MIR2052HG: variants seen among roughly 807,000 people sequenced by gnomAD.
MIR2052HG encodes the protein MIR2052 host gene.
chr8:74,606,876 A>G (rs1448813169), intron 1 of MIR2052HG, among the ~76,000 whole-genome samples: 2 of 152,190 alleles, frequency 1.3e-5, no homozygotes, highest in Admixed American at 1.3e-4. Context: ...AGAACACAAC[A>G]AAAACATAGC....
At chr8:74,709,790 C>A (rs921484012) in intron 4 of MIR2052HG, among the ~76,000 whole-genome samples, 1 of 152,140 alleles carries the variant, frequency 6.6e-6, no homozygotes, top group African/African-American at 2.4e-5. Flanking sequence ...ATAAGACAGA[C>A]ACATTCTTCA....
intron 1 of MIR2052HG, among the ~76,000 whole-genome samples, chr8:74,611,162 T>G (rs1808189149): frequency 6.6e-6 from 1 of 152,056 alleles, no homozygotes; most frequent in African/African-American, 2.4e-5. Flanking sequence ...GCAAAATATT[T>G]GAATAGACGC....
chr8:74,747,522 C>A (rs1468623561), intron 4 of MIR2052HG, among the ~76,000 whole-genome samples: 2 of 152,044 alleles, frequency 1.3e-5, no homozygotes, highest in Non-Finnish European at 2.9e-5. Context: ...TCCTTACATA[C>A]CAAAAAACCT....
Position 74,757,564 on chromosome 8 carries a change from TTG to T in MIR2052HG, n.465-543_465-542del, listed in dbSNP as rs1179770492. ...ATAACCGAATGAGGCAGAAACAATT[TTG>T]TGTCTTTTTTACAAATGGGGAACTG... On this transcript the variant is annotated intron_variant and non_coding_transcript_variant, in intron 5 of 6. Coordinates refer to ENST00000523442, the Ensembl canonical transcript of MIR2052HG. 7 of 152,360 alleles carry T rather than the reference TTG, an allele frequency of 4.6e-5. No homozygotes were observed. In the East Asian group the frequency reaches 1.3e-3, roughly 29 times the overall value. 9.4% of individuals were successfully genotyped at this position (152,360 alleles called of 1,614,324 possible). A position where few individuals can be genotyped will look rare whatever the true frequency, so the allele number is the denominator to read the frequency against.
chr8:74,712,753 A>G (rs1809482878), intron 4 of MIR2052HG, among the ~76,000 whole-genome samples: 1 of 150,858 alleles, frequency 6.6e-6, no homozygotes, highest in Non-Finnish European at 1.5e-5. Flanking sequence ...TGTACTTAAG[A>G]CTACCCATTG....
intron 2 of MIR2052HG, among the ~76,000 whole-genome samples, chr8:74,687,983 A>G (rs1375839275): frequency 6.6e-6 from 1 of 152,138 alleles, no homozygotes; most frequent in Non-Finnish European, 1.5e-5. Context: ...TTGTATATCA[A>G]TTGTGCCTCA....
intron 4 of MIR2052HG, among the ~76,000 whole-genome samples, chr8:74,717,405 A>C (rs899440998): frequency 2.9e-4 from 44 of 152,274 alleles, no homozygotes; most frequent in African/African-American, 9.6e-4. Flanking sequence ...CCAGTCTCTC[A>C]TTGATGGGCA....
chr8:74,736,042 G>A (rs1446109076), intron 4 of MIR2052HG, among the ~76,000 whole-genome samples: 1 of 152,156 alleles, frequency 6.6e-6, no homozygotes, highest in Admixed American at 6.5e-5. Flanking sequence ...TCTGTGCCCT[G>A]AGACAGAAGT....
intron 2 of MIR2052HG, among the ~76,000 whole-genome samples, chr8:74,689,038 TAGTA>T (rs962542904): frequency 1.3e-5 from 2 of 152,310 alleles, no homozygotes; most frequent in Non-Finnish European, 2.9e-5. Flanking sequence ...CTCTATTTTG[TAGTA>T]AGTGAGAGTT....
chr8:74,628,226 C>A (rs923784058), intron 2 of MIR2052HG, among the ~76,000 whole-genome samples: 14 of 152,040 alleles, frequency 9.2e-5, no homozygotes, highest in African/African-American at 3.4e-4. Flanking sequence ...CCAAAGGAAA[C>A]GAAGCATCTG....
intron 2 of MIR2052HG, among the ~76,000 whole-genome samples, chr8:74,695,434 A>AC (rs1205022556): frequency 1.3e-5 from 2 of 152,160 alleles, no homozygotes; most frequent in African/African-American, 4.8e-5. Context: ...AAAATAGCAC[A>AC]ATGAATAGAA....
chr8:74,748,428 A>G (rs546210591), intron 4 of MIR2052HG, among the ~76,000 whole-genome samples: 4 of 152,348 alleles, frequency 2.6e-5, no homozygotes, highest in East Asian at 1.9e-4. Flanking sequence ...GAACACCACT[A>G]GTGGAGACAA....
chr8:74,602,857 C>CTTTCTTTCTTTCTTTCTTTCTTTCTTTA (rs1808035097), intron 1 of MIR2052HG, among the ~76,000 whole-genome samples: 1 of 144,324 alleles, frequency 6.9e-6, no homozygotes, highest in Admixed American at 7.0e-5. Context: ...TTCTTTCTTT[C>CTTTCTTTCTTTCTTTCTTTCTTTCTTTA]TTTCTTTCTT....
At chr8:74,695,127 G>A (rs897431766) in intron 2 of MIR2052HG, among the ~76,000 whole-genome samples, 3 of 152,166 alleles carry the variant, frequency 2.0e-5, no homozygotes, top group African/African-American at 7.2e-5. Context: ...AACCTTACAA[G>A]CTGGAAAGGA....
intron 2 of MIR2052HG, among the ~76,000 whole-genome samples, chr8:74,689,398 G>A (rs1258005767): frequency 1.3e-5 from 2 of 152,054 alleles, no homozygotes; most frequent in African/African-American, 2.4e-5. Flanking sequence ...ATTGTGAAAC[G>A]CCATTAATAA....
chr8:74,657,421 C>A (rs1808817869), intron 2 of MIR2052HG, among the ~76,000 whole-genome samples: 1 of 152,160 alleles, frequency 6.6e-6, no homozygotes, highest in Non-Finnish European at 1.5e-5. Flanking sequence ...TTTTTTATGA[C>A]CTGCAAGGCT....
intron 4 of MIR2052HG, among the ~76,000 whole-genome samples, chr8:74,709,934 A>C (rs1163415951): frequency 1.3e-5 from 2 of 152,170 alleles, no homozygotes; most frequent in African/African-American, 4.8e-5. Flanking sequence ...GCAGTGGTAA[A>C]TAATGATAAT....
rs796086325 is a variant in MIR2052HG, at chr8:74,651,722, A to C, written n.216+38782A>C. Among the ~76,000 whole-genome samples, 38 of 152,274 alleles carry C rather than the reference A, an allele frequency of 2.5e-4. 1 individual carries two copies. Among genetic ancestry groups the C allele is most frequent in the African/African-American group, 8.7e-4 (36 of 41,562 alleles). Reference sequence around the variant, plus strand: ...CCTCTGCAAGAACACAGAGTAAACTACTTTGCTGGTAGGCATTTGTTAGTG... The same window carrying C: ...CCTCTGCAAGAACACAGAGTAAACTCCTTTGCTGGTAGGCATTTGTTAGTG... On this transcript the variant is annotated intron_variant and non_coding_transcript_variant, in intron 2 of 6. Coordinates refer to ENST00000523442, the Ensembl canonical transcript of MIR2052HG.
chr8:74,698,769 C>T (rs1346019893), intron 2 of MIR2052HG, among the ~76,000 whole-genome samples: 1 of 152,030 alleles, frequency 6.6e-6, no homozygotes, highest in East Asian at 1.9e-4. Context: ...CAACACACAC[C>T]AGTGCCTCTT....
Sources: allele counts gnomAD v4.1 joint callset (sites outside exome capture counted in the v4.1 genomes callset), GRCh38; gene constraint gnomAD v4.1.1; transcripts MANE v1.5; gene names NCBI Gene and HGNC (gene_info 2026-07-23, HGNC 2026-07-21).